The following ADGRV1 variants were observed in gnomAD, a reference collection of about 807,000 sequenced individuals.
ADGRV1 encodes the protein G-protein coupled receptor 98.
A neutral mutation model predicts 596.2 loss-of-function variants in ADGRV1; 359 were observed. That is an observed-to-expected ratio of 0.60 (90% CI 0.55 to 0.66). The LOEUF is 0.66. Among genes scored for constraint, ADGRV1 ranks in the 30% least tolerant of loss-of-function variants. ADGRV1 has a pLI of 0.00. For missense variants in ADGRV1, 7,274 were observed against 7,575.6 expected (o/e 0.96, Z 1.48); for synonymous variants, 2,681 against 2,679.2 (o/e 1.00, Z -0.02).
At chr5:90,937,724 C>T (rs1256144425) in intron 83 of ADGRV1, among the ~76,000 whole-genome samples, 5 of 152,082 alleles carry the variant, frequency 3.3e-5, no homozygotes, top group African/African-American at 9.7e-5. Flanking sequence ...CCCAAAGTGG[C>T]GGGATTACAG....
At chr5:90,578,450 C>T (rs1382528902) in intron 1 of ADGRV1, among the ~76,000 whole-genome samples, 1 of 152,164 alleles carries the variant, frequency 6.6e-6, no homozygotes, top group African/African-American at 2.4e-5. Flanking sequence ...CCTTGCATCC[C>T]AGGGATGAAG....
intron 78 of ADGRV1, 112 bp from the exon 79 acceptor site, chr5:90,848,525 C>T: frequency 2.2e-6 from 1 of 459,136 alleles, no homozygotes; most frequent in Non-Finnish European, 3.5e-6. Context: ...TAGGTTTATC[C>T]TTACTAATGT....
At chr5:90,648,735 C>G (rs1276291838) in intron 17 of ADGRV1, among the ~76,000 whole-genome samples, 2 of 152,194 alleles carry the variant, frequency 1.3e-5, no homozygotes, top group Non-Finnish European at 2.9e-5. Context: ...CTCTGCCTCT[C>G]ATTTTTCACA....
At chr5:90,851,134 TGAGAGAGA>T (rs141999531) in intron 79 of ADGRV1, among the ~76,000 whole-genome samples, 1,148 of 81,480 alleles carry the variant, frequency 0.014, 28 homozygotes, top group African/African-American at 0.04. Context: ...TGTGTGTGTG[TGAGAGAGA>T]GAGAGAGAGA....
chr5:90,747,720 A>G (rs547187383), intron 52 of ADGRV1, among the ~76,000 whole-genome samples: 2 of 152,236 alleles, frequency 1.3e-5, no homozygotes, highest in Non-Finnish European at 2.9e-5. Context: ...AATGTTCAGC[A>G]TAAACCACAA....
chr5:90,688,962 G>T (rs191257963), intron 29 of ADGRV1, among the ~76,000 whole-genome samples: 124 of 152,246 alleles, frequency 8.1e-4, no homozygotes, highest in African/African-American at 2.9e-3. Context: ...ATAAGAAAAT[G>T]ACTTCATTGC....
intron 1 of ADGRV1, among the ~76,000 whole-genome samples, chr5:90,595,045 T>C (rs1476764043): frequency 2.1e-5 from 3 of 141,556 alleles, no homozygotes; most frequent in East Asian, 2.1e-4. Flanking sequence ...GGCTCCTCAC[T>C]TCCCAGTAGG....
chr5:90,981,821 A>G (rs1780100304), intron 84 of ADGRV1, among the ~76,000 whole-genome samples: 1 of 152,264 alleles, frequency 6.6e-6, no homozygotes, highest in Non-Finnish European at 1.5e-5. Flanking sequence ...AGAAGTGCAC[A>G]GGGAGCCTGC....
intron 67 of ADGRV1, among the ~76,000 whole-genome samples, chr5:90,787,799 C>T (rs1346793905): frequency 6.6e-6 from 1 of 151,708 alleles, no homozygotes; most frequent in East Asian, 1.9e-4. Flanking sequence ...CCATGTTGGC[C>T]AGGTTGGTCT....
chr5:90,651,338 TA>T (rs996381948), intron 17 of ADGRV1, among the ~76,000 whole-genome samples: 12 of 152,088 alleles, frequency 7.9e-5, no homozygotes, highest in Non-Finnish European at 1.5e-4. Flanking sequence ...CATTTGTAAC[TA>T]AAAAAAATGG....
intron 86 of ADGRV1, among the ~76,000 whole-genome samples, chr5:91,075,245 A>G (rs1455801818): frequency 2.6e-5 from 4 of 152,288 alleles, no homozygotes; most frequent in Non-Finnish European, 4.4e-5. Flanking sequence ...TCTTATTAAA[A>G]TGTACATTCT....
intron 57 of ADGRV1, among the ~76,000 whole-genome samples, chr5:90,758,197 G>T (rs1041027194): frequency 6.6e-6 from 1 of 152,082 alleles, no homozygotes; most frequent in East Asian, 1.9e-4. Flanking sequence ...GCCGGGCGTG[G>T]TGGCGGGCAC....
At chr5:90,623,348 A>T (rs535524320) in intron 5 of ADGRV1, among the ~76,000 whole-genome samples, 2 of 152,208 alleles carry the variant, frequency 1.3e-5, no homozygotes, top group Admixed American at 1.3e-4. Flanking sequence ...AGGAAATTTT[A>T]AAATACCCAT....
At chr5:90,665,528 C>T (rs1025965407) in intron 21 of ADGRV1, among the ~76,000 whole-genome samples, 24 of 151,554 alleles carry the variant, frequency 1.6e-4, no homozygotes, top group African/African-American at 3.1e-4. Context: ...GTCTTGCTAG[C>T]GGTCTATTTA....
Position 90,757,027 on chromosome 5 carries a change from G to A in ADGRV1, c.11806G>A (p.Val3936Ile), listed in dbSNP as rs759082660. The A allele has an allele frequency of 3.1e-6, 5 of 1,613,680 alleles. No individual in the cohort carries two copies. The highest frequency in any genetic ancestry group is 2.2e-5 in the South Asian group (2 of 91,010). ...TAYEVPPPLNVLQVPVVRLAG... is the reference protein window; with the variant it reads ...TAYEVPPPLNILQVPVVRLAG... Reference sequence around the variant, plus strand: ...CTATGAGGTGCCTCCACCCTTGAACGTTCTTCAAGTTCCTGTAGTCCGGCT... The same window carrying A: ...CTATGAGGTGCCTCCACCCTTGAACATTCTTCAAGTTCCTGTAGTCCGGCT... The change falls in exon 57 of 90, where the codon GTT becomes ATT. Residue 3936 changes from valine to isoleucine, a missense_variant. Val to Ile is a conservative substitution (Grantham distance 29). Transcript: ENST00000405460.
intron 16 of ADGRV1, among the ~76,000 whole-genome samples, chr5:90,646,810 T>C (rs1767854791): frequency 6.7e-6 from 1 of 150,086 alleles, no homozygotes; most frequent in Non-Finnish European, 1.5e-5. Flanking sequence ...AATATTGCCC[T>C]GTCACCAGGC....
intron 86 of ADGRV1, chr5:91,092,542 T>C (rs1790476943): frequency 6.6e-6 from 1 of 152,336 alleles, no homozygotes; most frequent in Middle Eastern, 3.4e-3. Flanking sequence ...AAAAGGGTTC[T>C]ATAGCCAAAC....
At chr5:91,095,521 G>A (rs948748345) in intron 86 of ADGRV1, among the ~76,000 whole-genome samples, 1 of 152,128 alleles carries the variant, frequency 6.6e-6, no homozygotes, top group African/African-American at 2.4e-5. Flanking sequence ...ATGACCCTCA[G>A]TTTATTTGCT....
At chr5:90,925,133 C>A (rs929317520) in intron 83 of ADGRV1, among the ~76,000 whole-genome samples, 2 of 152,070 alleles carry the variant, frequency 1.3e-5, no homozygotes, top group African/African-American at 4.8e-5. Flanking sequence ...TGGTTCCATA[C>A]TAACTTTAAA....
Sources: gnomAD v4.1 joint callset for allele counts (sites outside exome capture counted in the v4.1 genomes callset) on GRCh38, gnomAD v4.1.1 for gene constraint, MANE v1.5 for transcripts, NCBI Gene and HGNC (gene_info 2026-07-23, HGNC 2026-07-21) for gene names.